Variants in NR6A1 observed in about 807,000 individuals in gnomAD.
NR6A1 encodes retinoic acid receptor-related testis-associated receptor.
In NR6A1, 7 loss-of-function variants were observed where a neutral mutation model predicts 59.1. The observed-to-expected ratio is 0.12, with a 90% confidence interval of 0.07 to 0.22. The LOEUF is 0.22. Among genes scored for constraint, NR6A1 ranks in the 10% least tolerant of loss-of-function variants. The pLI is 1.00. For missense variants in NR6A1, 468 were observed against 611.6 expected (o/e 0.77, Z 2.48); for synonymous variants, 243 against 236.1 (o/e 1.03, Z -0.27).
Position 124,540,230 on chromosome 9 carries a change from A to C in NR6A1, c.442-43T>G, listed in dbSNP as rs367929562. The C allele has an allele frequency of 1.1e-5, 17 of 1,583,684 alleles. No individual in the cohort carries two copies. The African/African-American group carries it at 1.3e-4, about 13-fold the overall frequency. ...GACATGTTAGATGGGTGCTCAGGAC[A>C]CTTGCTCTTTCTTCAGGACTGAGAG... On this transcript the variant is annotated intron_variant, in intron 4 of 9. Transcript: ENST00000487099.
chr9:124,765,034 T>G (rs186986125), intron 1 of NR6A1, among the ~76,000 whole-genome samples: 19 of 152,350 alleles, frequency 1.2e-4, no homozygotes, highest in Middle Eastern at 3.4e-3. Context: ...GCTTCTCTGG[T>G]GTAAACAAAT....
intron 2 of NR6A1, among the ~76,000 whole-genome samples, chr9:124,729,973 C>T (rs1485497720): frequency 6.6e-6 from 1 of 151,926 alleles, no homozygotes; most frequent in Admixed American, 6.5e-5. Context: ...CCACCACAAC[C>T]CAGCTAATTT....
chr9:124,736,227 A>G (rs1019330099), intron 1 of NR6A1, among the ~76,000 whole-genome samples: 1 of 152,188 alleles, frequency 6.6e-6, no homozygotes, highest in Non-Finnish European at 1.5e-5. Context: ...TACTTTGGAC[A>G]TTAAATGAAC....
At chr9:124,582,012 T>C (rs1834787108) in intron 2 of NR6A1, among the ~76,000 whole-genome samples, 1 of 152,204 alleles carries the variant, frequency 6.6e-6, no homozygotes, top group Non-Finnish European at 1.5e-5. Context: ...GAAGATGTTG[T>C]GGTGATTTCT....
chr9:124,615,474 A>G (rs1336619737), intron 2 of NR6A1, among the ~76,000 whole-genome samples: 1 of 152,242 alleles, frequency 6.6e-6, no homozygotes, highest in East Asian at 1.9e-4. Context: ...ATAGAGGTCA[A>G]ACACTGGAAA....
intron 2 of NR6A1, among the ~76,000 whole-genome samples, chr9:124,610,472 C>G (rs1835706576): frequency 6.6e-6 from 1 of 152,144 alleles, no homozygotes; most frequent in Non-Finnish European, 1.5e-5. Context: ...GATGGATAAG[C>G]TTTTTGATGT....
At chr9:124,575,300 GCAGTGGCTCATGCCTGTAATCCTAGCA>G (rs1180298100) in intron 2 of NR6A1, among the ~76,000 whole-genome samples, 1 of 152,192 alleles carries the variant, frequency 6.6e-6, no homozygotes, top group African/African-American at 2.4e-5. Flanking sequence ...TTGGCCGGGC[GCAGTGGCTCATGCCTGTAATCCTAGCA>G]CTTTGGGAGG....
chr9:124,681,243 G>A lies in NR6A1; in HGVS notation c.142+52065C>T, dbSNP rs1838145732. On this transcript the variant is annotated intron_variant, in intron 2 of 9. Coordinates refer to ENST00000487099, the MANE Select transcript of NR6A1 (RefSeq NM_033334.4). ...ACAAATTGTGGTTATTCACACTTGGGTATCTGATGGATATTTTCTTGAAAA... is the reference window on the plus strand; with the variant it reads ...ACAAATTGTGGTTATTCACACTTGGATATCTGATGGATATTTTCTTGAAAA... Among the ~76,000 whole-genome samples, 3 of 151,520 alleles carry A rather than the reference G, an allele frequency of 2.0e-5. No homozygotes were observed. In the South Asian group the frequency reaches 6.3e-4, roughly 32 times the overall value.
At chr9:124,653,088 CAT>C (rs935280652) in intron 2 of NR6A1, among the ~76,000 whole-genome samples, 24 of 152,022 alleles carry the variant, frequency 1.6e-4, no homozygotes, top group African/African-American at 5.3e-4. Context: ...ATCTATATAA[CAT>C]AGTACGAGCA....
chr9:124,658,949 A>G (rs1422579226), intron 2 of NR6A1, among the ~76,000 whole-genome samples: 3 of 152,198 alleles, frequency 2.0e-5, no homozygotes, highest in Non-Finnish European at 2.9e-5. Context: ...TTATGAAGTC[A>G]GTTATTATAA....
At chr9:124,538,905 TA>T (rs11346135) in intron 5 of NR6A1, among the ~76,000 whole-genome samples, 139,399 of 141,894 alleles carry the variant, frequency 0.98, 68,462 homozygotes, top group East Asian at 1. Context: ...GTCAACTAAT[TA>T]AAAAAAAAAA....
intron 2 of NR6A1, among the ~76,000 whole-genome samples, chr9:124,683,949 G>A (rs79791051): frequency 0.024 from 3,616 of 152,256 alleles, 116 homozygotes; most frequent in East Asian, 0.096. Flanking sequence ...TAGCAAAAAA[G>A]TCTCACAACT....
intron 1 of NR6A1, among the ~76,000 whole-genome samples, chr9:124,746,901 A>G (rs1226189449): frequency 2.6e-5 from 4 of 152,196 alleles, no homozygotes; most frequent in African/African-American, 9.6e-5. Flanking sequence ...TAGCATAGAA[A>G]ATAGAAAACT....
At chr9:124,711,628 C>A (rs978320522) in intron 2 of NR6A1, among the ~76,000 whole-genome samples, 1 of 152,140 alleles carries the variant, frequency 6.6e-6, no homozygotes, top group African/African-American at 2.4e-5. Flanking sequence ...CATCCCCAAA[C>A]TCAGATCCCC....
intron 2 of NR6A1, among the ~76,000 whole-genome samples, chr9:124,685,804 T>C (rs1564236770): frequency 6.6e-6 from 1 of 152,218 alleles, no homozygotes. Flanking sequence ...ATCGGCATTG[T>C]CAATTTCAGG....
rs1302504336 is a variant in NR6A1, at chr9:124,745,613, G to A, written c.101-12264C>T. ...TTGAACCCGGGAGGCAGAGGTTGCAGTGAGCCAAGATCGTGCCATGGCACT... is the reference window on the plus strand; with the variant it reads ...TTGAACCCGGGAGGCAGAGGTTGCAATGAGCCAAGATCGTGCCATGGCACT... On this transcript the variant is annotated intron_variant, in intron 1 of 9. Transcript: ENST00000487099. Among the ~76,000 whole-genome samples the A allele has an allele frequency of 2.0e-5, 3 of 150,914 alleles. No homozygotes were observed. In the East Asian group the frequency reaches 5.8e-4, roughly 29 times the overall value.
chr9:124,538,199 C>A lies in NR6A1; in HGVS notation c.717G>T (p.Leu239=), dbSNP rs757793893. ...GATCCAGGCTGCGAGCTTGTTGGGGCAGAAGTGGTGAGTGGCCAGAATAGC... is the reference window on the plus strand; with the variant it reads ...GATCCAGGCTGCGAGCTTGTTGGGGAAGAAGTGGTGAGTGGCCAGAATAGC... ...LFSYSGHSPL[L]PQQARSLDPQ... Residue 239 remains leucine, a synonymous_variant, in exon 6 of 10, where the codon CTG becomes CTT. Transcript: ENST00000487099. 2.5e-6 allele frequency: 4 copies of A among 1,614,130 alleles called. No homozygotes were observed. In the South Asian group the frequency reaches 4.4e-5, roughly 18 times the overall value.
intron 2 of NR6A1, among the ~76,000 whole-genome samples, chr9:124,570,468 A>C (rs1834408167): frequency 6.6e-6 from 1 of 152,228 alleles, no homozygotes; most frequent in Non-Finnish European, 1.5e-5. Flanking sequence ...AACAAACTAC[A>C]ATGAACTGAA....
At chr9:124,684,655 C>T (rs546840613) in intron 2 of NR6A1, among the ~76,000 whole-genome samples, 19 of 152,248 alleles carry the variant, frequency 1.2e-4, no homozygotes, top group African/African-American at 4.6e-4. Context: ...AGGGGTTCCT[C>T]GAGCCTCTTC....
Sources: allele counts gnomAD v4.1 joint callset (sites outside exome capture counted in the v4.1 genomes callset), GRCh38; gene constraint gnomAD v4.1.1; transcripts MANE v1.5; gene names NCBI Gene and HGNC (gene_info 2026-07-23, HGNC 2026-07-21).